Variants in MMP26 observed in about 807,000 individuals in gnomAD.
MMP26 encodes the protein matrix metalloproteinase-26.
MMP26 carries 33 observed loss-of-function variants against 31.0 expected under a neutral mutation model. The observed-to-expected ratio is 1.06, with a 90% CI of 0.81 to 1.42. MMP26 has a LOEUF of 1.42. Ranked by LOEUF, MMP26 falls within the 40% of genes most tolerant of loss-of-function variation. The probability of loss-of-function intolerance (pLI) is 0.00; values close to 1 mark genes in which losing one functional copy is unlikely to be tolerated. For missense variants in MMP26, 347 were observed against 316.1 expected (o/e 1.10, Z -0.74); for synonymous variants, 122 against 114.9 (o/e 1.06, Z -0.40).
rs141397934 is a variant in MMP26, at chr11:4,838,995, A to T, written c.-145+71654A>T. ...AGAGAATGTCTCTGGGTGCTTGGAGAGGGGAGAGCAGACACACTGGTGTCA... is the reference window on the plus strand; with the variant it reads ...AGAGAATGTCTCTGGGTGCTTGGAGTGGGGAGAGCAGACACACTGGTGTCA... On this transcript the variant is annotated intron_variant, in intron 2 of 7. Coordinates refer to ENST00000380390, the MANE Select transcript of MMP26 (RefSeq NM_021801.5). Among the ~76,000 whole-genome samples the T allele has an allele frequency of 7.1e-3, 1,079 of 152,172 alleles. 16 individuals are homozygous for T. The highest frequency in any genetic ancestry group is 0.023 in the African/African-American group (968 of 41,522).
intron 1 of MMP26, among the ~76,000 whole-genome samples, chr11:4,732,882 G>A (rs1298645410): frequency 3.3e-5 from 5 of 152,168 alleles, no homozygotes; most frequent in Admixed American, 3.3e-4. Flanking sequence ...GGAAATTTGG[G>A]CGGCAGCGCC....
intron 2 of MMP26, among the ~76,000 whole-genome samples, chr11:4,930,124 T>C (rs113948018): frequency 0.035 from 5,397 of 152,174 alleles, 134 homozygotes; most frequent in African/African-American, 0.073. Context: ...AAAGATTATA[T>C]TAATTTTAAA....
At chr11:4,730,032 C>G (rs1158226661) in intron 1 of MMP26, among the ~76,000 whole-genome samples, 1 of 148,960 alleles carries the variant, frequency 6.7e-6, no homozygotes, top group Non-Finnish European at 1.5e-5. Flanking sequence ...TTACATTTAT[C>G]GTTTTCTTTA....
chr11:4,940,945 C>T (rs1190239334), intron 2 of MMP26, among the ~76,000 whole-genome samples: 2 of 152,114 alleles, frequency 1.3e-5, no homozygotes, highest in Admixed American at 6.6e-5. Flanking sequence ...AATTATACTC[C>T]CCTGTCTATA....
chr11:4,967,184 T>C (rs1846607606), intron 2 of MMP26, among the ~76,000 whole-genome samples: 1 of 152,200 alleles, frequency 6.6e-6, no homozygotes, highest in Admixed American at 6.5e-5. Context: ...GGGAGAGTTG[T>C]AGTCAGATTT....
At chr11:4,858,702 C>T (rs987989701) in intron 2 of MMP26, among the ~76,000 whole-genome samples, 4 of 152,158 alleles carry the variant, frequency 2.6e-5, no homozygotes, top group Non-Finnish European at 5.9e-5. Flanking sequence ...TGGCTTTCTT[C>T]ACAAAATTGG....
chr11:4,882,045 T>C, intron 2 of MMP26: 1 of 1,613,910 alleles, frequency 6.2e-7, no homozygotes, highest in South Asian at 1.1e-5. Context: ...ATGATCTTTC[T>C]TGTCATCATT....
intron 2 of MMP26, among the ~76,000 whole-genome samples, chr11:4,964,404 TGAA>T (rs1210929067): frequency 1.3e-5 from 2 of 152,092 alleles, no homozygotes; most frequent in African/African-American, 4.8e-5. Flanking sequence ...TCAGGTTTGT[TGAA>T]GATCAGATGG....
At chr11:4,922,376 A>ACCTC (rs1554891302) in intron 2 of MMP26, among the ~76,000 whole-genome samples, 1 of 151,104 alleles carries the variant, frequency 6.6e-6, no homozygotes. Context: ...ATAGCAGAAA[A>ACCTC]TACCTACATG....
At chr11:4,763,087 G>A (rs1227511800) in intron 1 of MMP26, among the ~76,000 whole-genome samples, 3 of 152,134 alleles carry the variant, frequency 2.0e-5, no homozygotes, top group African/African-American at 4.8e-5. Flanking sequence ...CATCTATGTT[G>A]AAAATAAGTT....
intron 1 of MMP26, among the ~76,000 whole-genome samples, chr11:4,764,275 C>A (rs975454861): frequency 1.3e-5 from 2 of 152,098 alleles, no homozygotes; most frequent in African/African-American, 2.4e-5. Flanking sequence ...TCAGTTTAAT[C>A]CCCAGGATAA....
intron 2 of MMP26, among the ~76,000 whole-genome samples, chr11:4,899,875 C>G (rs1302979582): frequency 6.6e-6 from 1 of 152,130 alleles, no homozygotes; most frequent in Non-Finnish European, 1.5e-5. Flanking sequence ...CTCAACAGAA[C>G]ATAAATTGCA....
chr11:4,840,335 C>T (rs1048011823), intron 2 of MMP26, among the ~76,000 whole-genome samples: 1 of 152,190 alleles, frequency 6.6e-6, no homozygotes, highest in African/African-American at 2.4e-5. Context: ...CAAACAAAGA[C>T]AGCAGCCAGG....
intron 1 of MMP26, among the ~76,000 whole-genome samples, chr11:4,720,394 G>A (rs1470893069): frequency 6.6e-6 from 1 of 152,142 alleles, no homozygotes; most frequent in Non-Finnish European, 1.5e-5. Context: ...TAATCTGGTG[G>A]GATTTATAAT....
intron 2 of MMP26, chr11:4,803,527 A>G (rs775743842): frequency 2.5e-6 from 4 of 1,614,136 alleles, no homozygotes; most frequent in Middle Eastern, 3.3e-4. Flanking sequence ...GGGAGGTATC[A>G]GTAGATAGAG....
chr11:4,845,586 G>A (rs973525344), intron 2 of MMP26, among the ~76,000 whole-genome samples: 7 of 151,994 alleles, frequency 4.6e-5, no homozygotes, highest in African/African-American at 1.7e-4. Context: ...AAGCAAAAAT[G>A]GACAAATAGG....
At chr11:4,724,269 A>C (rs897888129) in intron 1 of MMP26, 2 of 371,614 alleles carry the variant, frequency 5.4e-6, no homozygotes, top group African/African-American at 4.2e-5. Flanking sequence ...TTCTGCCAGC[A>C]TTTAAAACCC....
At chr11:4,798,244 C>A (rs1046868876) in intron 2 of MMP26, among the ~76,000 whole-genome samples, 3 of 152,216 alleles carry the variant, frequency 2.0e-5, no homozygotes, top group Non-Finnish European at 4.4e-5. Context: ...CTTTACACAT[C>A]ACCTGGACCT....
chr11:4,974,092 C>A (rs1024988695), intron 2 of MMP26, among the ~76,000 whole-genome samples: 3 of 151,692 alleles, frequency 2.0e-5, no homozygotes, highest in African/African-American at 4.9e-5. Context: ...AAAAATAATG[C>A]AAATTGATAT....
Sources: gnomAD v4.1 joint callset for allele counts (sites outside exome capture counted in the v4.1 genomes callset) on GRCh38, gnomAD v4.1.1 for gene constraint, MANE v1.5 for transcripts, NCBI Gene and HGNC (gene_info 2026-07-23, HGNC 2026-07-21) for gene names.